Variants in FNIP1 observed in about 807,000 individuals in gnomAD.
FNIP1 encodes folliculin-interacting protein 1.
A neutral mutation model predicts 124.5 loss-of-function variants in FNIP1; 40 were observed. That is an observed-to-expected ratio of 0.32 (90% CI 0.25 to 0.42). FNIP1 has a LOEUF of 0.42. Among genes scored for constraint, FNIP1 ranks in the 10% least tolerant of loss-of-function variants. The pLI is 1.00. For missense variants in FNIP1, 1,176 were observed against 1,403.7 expected (o/e 0.84, Z 2.59); for synonymous variants, 472 against 470.6 (o/e 1.00, Z -0.04).
At chr5:131,703,242 A>G (rs1173279294) in intron 10 of FNIP1, among the ~76,000 whole-genome samples, 1 of 152,164 alleles carries the variant, frequency 6.6e-6, no homozygotes, top group East Asian at 1.9e-4. Context: ...TTTCTTACCA[A>G]TTCAATCACT....
rs1766743069 is a variant in FNIP1 at position 131,642,425 on chromosome 5, A to AGCTTT, written c.*2255_*2259dup. The AGCTTT allele has an allele frequency of 6.6e-6, 1 of 152,354 alleles. No individual in the cohort carries two copies. Among genetic ancestry groups the AGCTTT allele is most frequent in the Non-Finnish European group, 1.5e-5 (1 of 68,042 alleles). 9.4% of individuals were successfully genotyped at this position (152,354 alleles called of 1,614,324 possible). On this transcript the variant is annotated 3_prime_UTR_variant, in exon 18 of 18. Coordinates refer to ENST00000510461, the MANE Select transcript of FNIP1 (RefSeq NM_133372.3). ...GGTCATTTCCTTCCCAGCAAAGCTT[A>AGCTTT]GCTTTAGGAACAACAATAGCATGAG...
At chr5:131,738,638 T>C (rs555360489) in intron 2 of FNIP1, among the ~76,000 whole-genome samples, 1 of 152,200 alleles carries the variant, frequency 6.6e-6, no homozygotes, top group South Asian at 2.1e-4. Context: ...TAGATGAAAC[T>C]ACAGGCACGT....
intron 1 of FNIP1, among the ~76,000 whole-genome samples, chr5:131,760,934 G>C (rs1214158076): frequency 6.6e-6 from 1 of 151,832 alleles, no homozygotes; most frequent in Non-Finnish European, 1.5e-5. Context: ...GGGAGGGAGA[G>C]AAGTATGCTA....
intron 2 of FNIP1, among the ~76,000 whole-genome samples, chr5:131,743,748 G>C (rs951856363): frequency 3.3e-5 from 5 of 152,166 alleles, no homozygotes; most frequent in African/African-American, 1.2e-4. Context: ...GTAAAGGGTA[G>C]AGTGAGAAGT....
At chr5:131,761,925 A>G (rs1771245086) in intron 1 of FNIP1, among the ~76,000 whole-genome samples, 1 of 152,182 alleles carries the variant, frequency 6.6e-6, no homozygotes, top group African/African-American at 2.4e-5. Context: ...ACACAGACCA[A>G]TGGAAGAGAA....
At chr5:131,787,091 A>G (rs1164560893) in intron 1 of FNIP1, among the ~76,000 whole-genome samples, 1 of 152,204 alleles carries the variant, frequency 6.6e-6, no homozygotes, top group Non-Finnish European at 1.5e-5. Flanking sequence ...CTAGCTCCAG[A>G]TGTACTACCA....
intron 1 of FNIP1, among the ~76,000 whole-genome samples, chr5:131,787,595 C>A (rs900329995): frequency 5.3e-5 from 8 of 152,254 alleles, no homozygotes; most frequent in Admixed American, 4.6e-4. Flanking sequence ...TTAATAGCCA[C>A]GTGACATGGG....
intron 15 of FNIP1, among the ~76,000 whole-genome samples, chr5:131,660,039 G>T (rs900480107): frequency 1.4e-4 from 21 of 152,220 alleles, no homozygotes; most frequent in Admixed American, 4.6e-4. Flanking sequence ...CGGCCCGGGG[G>T]CATCGTTGCC....
chr5:131,663,152 T>C (rs1046629421), intron 15 of FNIP1, among the ~76,000 whole-genome samples: 7 of 152,202 alleles, frequency 4.6e-5, no homozygotes, highest in African/African-American at 1.7e-4. Flanking sequence ...ACATAGAAGG[T>C]TACCTCTAGT....
chr5:131,706,705 T>C (rs1769125453), intron 8 of FNIP1, among the ~76,000 whole-genome samples, 159 bp from the exon 9 acceptor site: 2 of 152,160 alleles, frequency 1.3e-5, no homozygotes, highest in Non-Finnish European at 2.9e-5. Context: ...TGTAGCAAGG[T>C]CTCAGAGGAG....
intron 1 of FNIP1, among the ~76,000 whole-genome samples, chr5:131,793,128 G>A (rs1772463252): frequency 6.6e-6 from 1 of 152,052 alleles, no homozygotes; most frequent in Non-Finnish European, 1.5e-5. Flanking sequence ...TAACCTCCCA[G>A]GCTAAGCAAC....
intron 1 of FNIP1, among the ~76,000 whole-genome samples, chr5:131,759,549 C>G (rs1771157125): frequency 6.6e-6 from 1 of 152,076 alleles, no homozygotes; most frequent in African/African-American, 2.4e-5. Context: ...CAATGAGATA[C>G]CATCTCACAC....
intron 1 of FNIP1, among the ~76,000 whole-genome samples, chr5:131,770,883 T>C (rs1191358548): frequency 1.3e-5 from 2 of 152,234 alleles, no homozygotes; most frequent in Non-Finnish European, 2.9e-5. Context: ...TTTGTTTGTA[T>C]GTGCACCAAA....
At chr5:131,791,638 G>C (rs1377693294) in intron 1 of FNIP1, among the ~76,000 whole-genome samples, 2 of 152,156 alleles carry the variant, frequency 1.3e-5, no homozygotes, top group Non-Finnish European at 2.9e-5. Flanking sequence ...CACAGAATGT[G>C]GGGAATTTCA....
At chr5:131,676,463 TA>T (rs902035662) in intron 13 of FNIP1, among the ~76,000 whole-genome samples, 4 of 151,940 alleles carry the variant, frequency 2.6e-5, no homozygotes, top group African/African-American at 9.7e-5. Context: ...CTGTGTACTT[TA>T]AATATGTGTT....
intron 11 of FNIP1, among the ~76,000 whole-genome samples, chr5:131,686,475 T>C (rs1425114611): frequency 1.3e-5 from 2 of 152,144 alleles, no homozygotes; most frequent in Non-Finnish European, 2.9e-5. Context: ...GCCTCCTAAG[T>C]AGCTGGGACT....
At chr5:131,687,552 A>G (rs1442979906) in intron 11 of FNIP1, among the ~76,000 whole-genome samples, 1 of 152,232 alleles carries the variant, frequency 6.6e-6, no homozygotes, top group African/African-American at 2.4e-5. Flanking sequence ...TTGTTCTCAG[A>G]ACAAGGGAAA....
In FNIP1 at chr5:131,744,372, A is replaced by C. The variant is rs546169619; in HGVS notation, c.219+192T>G. Among the ~76,000 whole-genome samples the C allele has an allele frequency of 7.2e-5, 11 of 152,252 alleles. No individual in the cohort carries two copies. In the South Asian group the frequency reaches 2.3e-3, roughly 32 times the overall value. On this transcript the variant is annotated intron_variant, in intron 2 of 17. Coordinates refer to ENST00000510461, the MANE Select transcript of FNIP1 (RefSeq NM_133372.3). ...TGTCTGCTTGACTGTCTCCAATTCTATGACTCCTAAGCATCAAACCACTCC... is the reference window on the plus strand; with the variant it reads ...TGTCTGCTTGACTGTCTCCAATTCTCTGACTCCTAAGCATCAAACCACTCC...
At chr5:131,709,178 T>C (rs1346957670) in intron 8 of FNIP1, 23 bp downstream of exon 8, 1 of 1,602,782 alleles carries the variant, frequency 6.2e-7, no homozygotes, top group African/African-American at 1.3e-5. Context: ...CATAAAAAAC[T>C]GAATACAAGA....
Sources: allele counts gnomAD v4.1 joint callset (sites outside exome capture counted in the v4.1 genomes callset), GRCh38; gene constraint gnomAD v4.1.1; transcripts MANE v1.5; gene names NCBI Gene and HGNC (gene_info 2026-07-23, HGNC 2026-07-21).